The following ARHGAP6 variants were observed in gnomAD, a reference collection of about 807,000 sequenced individuals.
ARHGAP6 encodes rho GTPase-activating protein 6.
Under a neutral mutation model 55.7 loss-of-function variants are expected in ARHGAP6, and 16 were observed. That is an observed-to-expected ratio of 0.29 (90% confidence interval 0.19 to 0.44). The LOEUF (loss-of-function observed/expected upper bound fraction) is 0.44, where lower values mean the gene tolerates loss of function less well. ARHGAP6 is among the 20% of genes least tolerant of loss of function. The pLI is 1.00. For synonymous variants in ARHGAP6, 382 were observed against 360.9 expected (o/e 1.06, Z -0.66); for missense variants, 698 against 808.9 (o/e 0.86, Z 1.66).
At chrX:11,461,230 T>A (rs964191326) in intron 1 of ARHGAP6, among the ~76,000 whole-genome samples, 2 of 112,297 alleles carry the variant, frequency 1.8e-5, no homozygotes, top group Non-Finnish European at 3.8e-5. Flanking sequence ...CCTGTGGAAA[T>A]CTTTTCATAT....
At chrX:11,265,867 T>C in intron 1 of ARHGAP6, 1 of 952,820 alleles carries the variant, frequency 1.0e-6, no homozygotes, top group Non-Finnish European at 1.3e-6. Context: ...ACTCCCACGA[T>C]ACCTTTTGTT....
At chrX:11,179,501 T>C in intron 6 of ARHGAP6, 49 bp from the exon 7 acceptor site, 1 of 1,168,515 alleles carries the variant, frequency 8.6e-7, no homozygotes, top group Non-Finnish European at 1.1e-6. Flanking sequence ...CATACCTCAA[T>C]GAGCAGTGCC....
chrX:11,271,330 C>T (rs750232637), intron 1 of ARHGAP6, among the ~76,000 whole-genome samples: 21 of 111,674 alleles, frequency 1.9e-4, no homozygotes, highest in Admixed American at 3.8e-4. Context: ...AGAAGAATAT[C>T]GTATTTAGGA....
At chrX:11,558,836 C>CAAAAAAAAAAAAAAAA (rs58936931) in intron 1 of ARHGAP6, among the ~76,000 whole-genome samples, 1 of 30,079 alleles carries the variant, frequency 3.3e-5, no homozygotes, top group Non-Finnish European at 5.6e-5. Context: ...GATTCCATCT[C>CAAAAAAAAAAAAAAAA]AAAAAAAAAA....
intron 1 of ARHGAP6, among the ~76,000 whole-genome samples, chrX:11,284,522 G>A (rs1030042809): frequency 1.8e-5 from 2 of 112,104 alleles, no homozygotes; most frequent in African/African-American, 6.5e-5. Context: ...CATAGCCCCA[G>A]GGTTTTGGGC....
intron 1 of ARHGAP6, among the ~76,000 whole-genome samples, chrX:11,312,556 G>T (rs902269201): frequency 2.7e-5 from 3 of 110,935 alleles, no homozygotes; most frequent in African/African-American, 9.9e-5. Flanking sequence ...ATCCACTAAT[G>T]AACTCTTGAC....
At chrX:11,633,033 C>G (rs948454939) in intron 1 of ARHGAP6, among the ~76,000 whole-genome samples, 2 of 111,815 alleles carry the variant, frequency 1.8e-5, no homozygotes, top group African/African-American at 6.5e-5. Context: ...CCAAGCACCC[C>G]GTGGGATCTA....
chrX:11,649,454 C>T, intron 1 of ARHGAP6, among the ~76,000 whole-genome samples: 1 of 112,034 alleles, frequency 8.9e-6, no homozygotes, highest in East Asian at 2.8e-4. Flanking sequence ...AGACATTCTA[C>T]ACATTTTCCA....
At chrX:11,535,289 G>A (rs922719844) in intron 1 of ARHGAP6, among the ~76,000 whole-genome samples, 3 of 111,445 alleles carry the variant, frequency 2.7e-5, no homozygotes, top group African/African-American at 9.8e-5. Context: ...TCTCTGTGCT[G>A]ACTAATGTTT....
At chrX:11,262,070 T>C (rs1277737612) in intron 1 of ARHGAP6, among the ~76,000 whole-genome samples, 2 of 112,380 alleles carry the variant, frequency 1.8e-5, no homozygotes, top group Admixed American at 9.4e-5. Context: ...AAATATGTAC[T>C]ATATATTCGT....
At position 11,613,325 on chromosome X, in the gene ARHGAP6, A is replaced by G. The variant is rs768791236; in HGVS notation, c.588+50916T>C. 2.7e-5 allele frequency among the ~76,000 whole-genome samples: 3 copies of G among 112,706 alleles called. No individual in the cohort carries two copies. In the South Asian group the frequency reaches 1.1e-3, roughly 42 times the overall value. On this transcript the variant is annotated intron_variant, in intron 1 of 12. Transcript: ENST00000337414. ...AGGCTACCTTTTGGCCACCATGGAA[A>G]TTGAGAATCTGAGAAGGACAGTGAA...
At chrX:11,277,496 G>C (rs779699661) in intron 1 of ARHGAP6, among the ~76,000 whole-genome samples, 3 of 111,096 alleles carry the variant, frequency 2.7e-5, no homozygotes, top group South Asian at 3.8e-4. Context: ...ACTTATTTTA[G>C]TGCAAAACTT....
At chrX:11,485,799 G>T (rs1401236933) in intron 1 of ARHGAP6, among the ~76,000 whole-genome samples, 1 of 111,445 alleles carries the variant, frequency 9.0e-6, no homozygotes, top group Non-Finnish European at 1.9e-5. Context: ...TTTTCCACAA[G>T]AATTTAGCTA....
At chrX:11,431,041 T>C (rs965644869) in intron 1 of ARHGAP6, among the ~76,000 whole-genome samples, 3 of 112,617 alleles carry the variant, frequency 2.7e-5, no homozygotes, top group Non-Finnish European at 5.6e-5. Context: ...TTTGGGGTAA[T>C]GGAGAGAGAT....
Position 11,517,694 on chromosome X carries a change from C to G in ARHGAP6, c.588+146547G>C, listed in dbSNP as rs187397590. On this transcript the variant is annotated intron_variant, in intron 1 of 12. Transcript: ENST00000337414. ...TGGATGGAACTGGAGCTGGAAGTCA[C>G]TATCCACAGCAAACTAACACAGCAA... Among the ~76,000 whole-genome samples the G allele has an allele frequency of 3.4e-4, 38 of 111,492 alleles. No homozygotes were observed. The East Asian group carries it at 0.011, about 31-fold the overall frequency.
At chrX:11,623,495 T>A (rs2147166815) in intron 1 of ARHGAP6, among the ~76,000 whole-genome samples, 1 of 108,182 alleles carries the variant, frequency 9.2e-6, no homozygotes, top group South Asian at 4.1e-4. Context: ...ATCGAGACCA[T>A]CCTGGCCAAC....
At chrX:11,567,707 G>A (rs2051461889) in intron 1 of ARHGAP6, among the ~76,000 whole-genome samples, 1 of 109,068 alleles carries the variant, frequency 9.2e-6, no homozygotes, top group South Asian at 4.0e-4. Flanking sequence ...TGTCGCCCAG[G>A]CTGGAGTCTG....
intron 1 of ARHGAP6, among the ~76,000 whole-genome samples, chrX:11,638,017 A>C (rs1372228286): frequency 9.0e-6 from 1 of 111,534 alleles, no homozygotes; most frequent in Non-Finnish European, 1.9e-5. Context: ...TCTTATTTTT[A>C]ATTCCCAAGA....
chrX:11,540,738 G>A (rs1314305795), intron 1 of ARHGAP6, among the ~76,000 whole-genome samples: 3 of 112,420 alleles, frequency 2.7e-5, no homozygotes, highest in Non-Finnish European at 5.6e-5. Flanking sequence ...AGAAGAACAT[G>A]GTGAACCTTC....
Sources: gnomAD v4.1 joint callset for allele counts (sites outside exome capture counted in the v4.1 genomes callset) on GRCh38, gnomAD v4.1.1 for gene constraint, MANE v1.5 for transcripts, NCBI Gene and HGNC (gene_info 2026-07-23, HGNC 2026-07-21) for gene names.